The following TMEM74 variants were observed in gnomAD, a reference collection of about 807,000 sequenced individuals.
TMEM74 encodes the protein transmembrane protein 74.
A neutral mutation model predicts 18.1 loss-of-function variants in TMEM74; 13 were observed. The observed-to-expected ratio is 0.72, with a 90% CI of 0.47 to 1.14. The LOEUF (loss-of-function observed/expected upper bound fraction) is 1.14, where lower values mean the gene tolerates loss of function less well. TMEM74 is among the 50% of genes most tolerant of loss of function. The pLI, the probability that TMEM74 is intolerant of heterozygous loss-of-function variation, is 0.00. For missense variants in TMEM74, 372 were observed against 375.9 expected (o/e 0.99, Z 0.09); for synonymous variants, 159 against 146.6 (o/e 1.08, Z -0.61).
chr8:108,773,653 C>T (rs1421126920), intron 1 of TMEM74, among the ~76,000 whole-genome samples: 1 of 152,050 alleles, frequency 6.6e-6, no homozygotes, highest in Non-Finnish European at 1.5e-5. Flanking sequence ...GTCTTGGGTC[C>T]CTCTCCTCAG....
In TMEM74 at chr8:108,760,149, GGA is replaced by G. The variant is rs72281415; in HGVS notation, n.119+27325_119+27326del. Among the ~76,000 whole-genome samples the G allele has an allele frequency of 2.9e-3, 414 of 143,262 alleles. 1 individual carries two copies. The highest frequency in any genetic ancestry group is 5.4e-3 in the Admixed American group (78 of 14,398). The allele number at this position is 143,262 out of a possible 152,430, so 94.0% of individuals were successfully genotyped here. A position where few individuals can be genotyped will look rare whatever the true frequency, so the allele number is the denominator to read the frequency against. On this transcript the variant is annotated intron_variant and non_coding_transcript_variant, in intron 1 of 3. Transcript: ENST00000518838. The stretch of plus-strand genomic sequence containing the variant: ...GATTGCGCCACTGTTCTGCAGACTG[GGA>G]GAGAGAGAGAGAGAGAGAGAGAGGG...
chr8:108,618,091 A>G (rs544255898), intron 2 of TMEM74, among the ~76,000 whole-genome samples: 16 of 152,294 alleles, frequency 1.1e-4, no homozygotes, highest in Admixed American at 1.0e-3. Context: ...TAGCTGATTC[A>G]GGCACCCCAT....
At chr8:108,608,079 G>C (rs886988324) in intron 3 of TMEM74, among the ~76,000 whole-genome samples, 2 of 151,916 alleles carry the variant, frequency 1.3e-5, no homozygotes, top group Admixed American at 1.3e-4. Context: ...CGAGGCGGGT[G>C]GATCACAAGG....
intron 1 of TMEM74, among the ~76,000 whole-genome samples, chr8:108,668,462 A>G (rs1013419774): frequency 3.3e-5 from 5 of 152,178 alleles, no homozygotes; most frequent in Admixed American, 1.3e-4. Flanking sequence ...AAAATAAGCC[A>G]CAACAGCAAC....
intron 1 of TMEM74, among the ~76,000 whole-genome samples, chr8:108,734,402 C>T (rs904330210): frequency 2.6e-5 from 4 of 152,180 alleles, no homozygotes; most frequent in East Asian, 1.9e-4. Context: ...ACCTAATAAA[C>T]CCCCCTTTCA....
At chr8:108,679,566 A>C (rs1813091577) in intron 1 of TMEM74, among the ~76,000 whole-genome samples, 1 of 152,140 alleles carries the variant, frequency 6.6e-6, no homozygotes, top group Non-Finnish European at 1.5e-5. Flanking sequence ...GTGTCTGTTC[A>C]TATCCTTCGC....
rs1814283466 is a variant in TMEM74, at chr8:108,780,006, C to G, written c.*4175G>C. Among the ~76,000 whole-genome samples, 1 of 152,200 alleles carries G rather than the reference C, an allele frequency of 6.6e-6. No individual in the cohort carries two copies. Among genetic ancestry groups the G allele is most frequent in the Non-Finnish European group, 1.5e-5 (1 of 68,016 alleles). ...GCCAAAAGGAAATGATATGTTAATT[C>G]TCTTTCTTAAGTACTCTTTTTAGAC... On this transcript the variant is annotated 3_prime_UTR_variant, in exon 2 of 2. Coordinates refer to ENST00000297459, the MANE Select transcript of TMEM74 (RefSeq NM_153015.3).
At chr8:108,690,865 C>T (rs1813221072) in intron 1 of TMEM74, among the ~76,000 whole-genome samples, 1 of 152,002 alleles carries the variant, frequency 6.6e-6, no homozygotes, top group Non-Finnish European at 1.5e-5. Flanking sequence ...CCAGCTCAGC[C>T]ATGAAGCATG....
In TMEM74 at chr8:108,614,218, A is replaced by T. The variant is rs555198521; in HGVS notation, n.265-5392T>A. On this transcript the variant is annotated intron_variant and non_coding_transcript_variant, in intron 2 of 3. Transcript: ENST00000518838. ...TTATGCAACAATTTCAGTTCAACAT[A>T]TTGCAATACTGCTGCCCTTTCTTTC... Among the ~76,000 whole-genome samples, 3 of 152,312 alleles carry T rather than the reference A, an allele frequency of 2.0e-5. No homozygotes were observed. The East Asian group carries it at 5.8e-4, about 29-fold the overall frequency.
chr8:108,672,888 GA>G (rs1354477613), intron 1 of TMEM74, among the ~76,000 whole-genome samples: 3 of 152,198 alleles, frequency 2.0e-5, no homozygotes, highest in Admixed American at 6.5e-5. Context: ...AGCAGGATGG[GA>G]ATGGGTTTAG....
At chr8:108,712,722 C>CGT (rs148041256) in intron 1 of TMEM74, among the ~76,000 whole-genome samples, 70 of 151,258 alleles carry the variant, frequency 4.6e-4, no homozygotes, top group Admixed American at 1.1e-3. Flanking sequence ...TATGTGTGTG[C>CGT]GTGTGTGTGT....
At chr8:108,699,240 C>G (rs1004978203) in intron 1 of TMEM74, among the ~76,000 whole-genome samples, 2 of 144,776 alleles carry the variant, frequency 1.4e-5, no homozygotes, top group Non-Finnish European at 3.0e-5. Flanking sequence ...TCCCTCCCTT[C>G]CTACTAAGGA....
intron 1 of TMEM74, among the ~76,000 whole-genome samples, chr8:108,705,548 T>C (rs952288316): frequency 6.6e-6 from 1 of 152,160 alleles, no homozygotes. Flanking sequence ...CTAGGCTTGA[T>C]GAACAGAATG....
At chr8:108,682,507 G>C (rs1171520624) in intron 1 of TMEM74, among the ~76,000 whole-genome samples, 2 of 151,996 alleles carry the variant, frequency 1.3e-5, no homozygotes, top group East Asian at 1.9e-4. Flanking sequence ...TAAGCCCTAT[G>C]ATGGTAGCAA....
At chr8:108,751,751 G>A (rs1813906068) in intron 1 of TMEM74, among the ~76,000 whole-genome samples, 1 of 151,948 alleles carries the variant, frequency 6.6e-6, no homozygotes, top group Non-Finnish European at 1.5e-5. Context: ...AACCTACCTA[G>A]ACTAAAGGGA....
intron 1 of TMEM74, among the ~76,000 whole-genome samples, chr8:108,708,088 C>A (rs941759052): frequency 6.6e-6 from 1 of 152,072 alleles, no homozygotes; most frequent in African/African-American, 2.4e-5. Flanking sequence ...CATGAGTACC[C>A]AATGTTTAGC....
At chr8:108,663,466 T>C (rs1812920156) in intron 1 of TMEM74, among the ~76,000 whole-genome samples, 1 of 152,118 alleles carries the variant, frequency 6.6e-6, no homozygotes, top group Non-Finnish European at 1.5e-5. Context: ...AAACAACAGA[T>C]GCTGGCTAGG....
intron 2 of TMEM74, among the ~76,000 whole-genome samples, chr8:108,633,041 C>T (rs1387885536): frequency 6.6e-6 from 1 of 151,800 alleles, no homozygotes; most frequent in Non-Finnish European, 1.5e-5. Context: ...CCTCTTCTTT[C>T]AGAGTAATAA....
intron 1 of TMEM74, among the ~76,000 whole-genome samples, chr8:108,723,912 A>C (rs2130633416): frequency 6.6e-6 from 1 of 152,218 alleles, no homozygotes; most frequent in East Asian, 1.9e-4. Flanking sequence ...AAAGTAAACG[A>C]AGGTGCTCCT....
Sources: allele counts gnomAD v4.1 joint callset (sites outside exome capture counted in the v4.1 genomes callset), GRCh38; gene constraint gnomAD v4.1.1; transcripts MANE v1.5; gene names NCBI Gene and HGNC (gene_info 2026-07-23, HGNC 2026-07-21).